Variants in FER1L6 observed in about 807,000 individuals in gnomAD.
FER1L6 encodes the protein fer-1-like protein 6.
FER1L6 carries 177 observed loss-of-function variants against 219.2 expected under a neutral mutation model. The observed-to-expected ratio is 0.81, with a 90% CI of 0.71 to 0.91. The LOEUF is 0.91. FER1L6 is among the 40% of genes least tolerant of loss of function. FER1L6 has a pLI of 0.00. For synonymous variants in FER1L6, 768 were observed against 824.3 expected (o/e 0.93, Z 1.17); for missense variants, 2,153 against 2,259.9 (o/e 0.95, Z 0.96).
intron 12 of FER1L6, among the ~76,000 whole-genome samples, chr8:123,994,796 G>A (rs1177802619): frequency 1.3e-5 from 2 of 152,224 alleles, no homozygotes; most frequent in East Asian, 1.9e-4. Flanking sequence ...CATCACCTGA[G>A]TTAGCTGGCA....
intron 2 of FER1L6, 88 bp downstream of exon 2, chr8:123,956,162 A>G: frequency 5.1e-6 from 6 of 1,183,156 alleles, no homozygotes; most frequent in Non-Finnish European, 7.4e-6. Flanking sequence ...TTCTCTCTCA[A>G]TGGGAGCGAG....
chr8:124,021,351 G>A (rs1369006399), intron 16 of FER1L6, among the ~76,000 whole-genome samples, 199 bp from the exon 17 acceptor site: 1 of 152,070 alleles, frequency 6.6e-6, no homozygotes, highest in East Asian at 1.9e-4. Flanking sequence ...GTCAAGCAGA[G>A]GTGAGATGAT....
chr8:123,932,443 C>A (rs187447473), intron 1 of FER1L6, among the ~76,000 whole-genome samples: 134 of 152,282 alleles, frequency 8.8e-4, no homozygotes, highest in African/African-American at 3.2e-3. Flanking sequence ...TCTTTTAAGG[C>A]ATGTGTTACT....
intron 1 of FER1L6, among the ~76,000 whole-genome samples, chr8:123,873,779 C>A (rs1816962166): frequency 1.3e-5 from 2 of 152,182 alleles, no homozygotes; most frequent in South Asian, 2.1e-4. Flanking sequence ...TCCACTCCCA[C>A]AATCACACCC....
At chr8:123,898,835 A>G in intron 1 of FER1L6, among the ~76,000 whole-genome samples, 1 of 134,914 alleles carries the variant, frequency 7.4e-6, no homozygotes. Context: ...ATATATATAT[A>G]TACATACATA....
chr8:124,077,215 TG>T (rs1156609332), intron 32 of FER1L6, among the ~76,000 whole-genome samples: 1 of 152,242 alleles, frequency 6.6e-6, no homozygotes, highest in East Asian at 1.9e-4. Context: ...TTCCTTTAGA[TG>T]ATTAAATGTA....
At chr8:123,909,115 A>T (rs1813007189) in intron 1 of FER1L6, among the ~76,000 whole-genome samples, 1 of 152,216 alleles carries the variant, frequency 6.6e-6, no homozygotes, top group Admixed American at 6.5e-5. Context: ...TTGTCAATGG[A>T]TTTGATAAAA....
At chr8:123,981,096 A>G (rs1296090289) in intron 11 of FER1L6, among the ~76,000 whole-genome samples, 1 of 152,152 alleles carries the variant, frequency 6.6e-6, no homozygotes, top group Non-Finnish European at 1.5e-5. Context: ...AGTTGGTGGG[A>G]GTGGGTGGTA....
At chr8:123,928,829 T>A (rs138591849) in intron 1 of FER1L6, among the ~76,000 whole-genome samples, 4 of 152,282 alleles carry the variant, frequency 2.6e-5, no homozygotes, top group African/African-American at 9.6e-5. Flanking sequence ...TAGAATAGGG[T>A]TATTTGCCAG....
intron 39 of FER1L6, among the ~76,000 whole-genome samples, chr8:124,116,169 T>A (rs1348965165): frequency 6.6e-6 from 1 of 152,222 alleles, no homozygotes; most frequent in Non-Finnish European, 1.5e-5. Flanking sequence ...TTTTGTAACA[T>A]CAGTTAGCAA....
At chr8:123,874,616 C>A (rs1414984597) in intron 1 of FER1L6, among the ~76,000 whole-genome samples, 1 of 152,210 alleles carries the variant, frequency 6.6e-6, no homozygotes, top group African/African-American at 2.4e-5. Context: ...ATGTATCATA[C>A]ACTCTTCTTT....
At chr8:123,858,913 G>A (rs1816694666) in intron 1 of FER1L6, among the ~76,000 whole-genome samples, 1 of 152,220 alleles carries the variant, frequency 6.6e-6, no homozygotes. Context: ...AGTAGGTGGT[G>A]CTGTTTTAAA....
intron 2 of FER1L6, among the ~76,000 whole-genome samples, chr8:123,962,510 G>A (rs1369544081): frequency 6.6e-6 from 1 of 152,058 alleles, no homozygotes. Context: ...TCAGTCTTAT[G>A]ATCTCTATTT....
intron 1 of FER1L6, among the ~76,000 whole-genome samples, chr8:123,928,512 C>A (rs192277070): frequency 6.8e-4 from 103 of 152,254 alleles, no homozygotes; most frequent in Middle Eastern, 3.4e-3. Context: ...CTGCAGCATC[C>A]TCCAGTTCCC....
At chr8:124,055,442 G>A (rs540229063) in intron 22 of FER1L6, among the ~76,000 whole-genome samples, 1 of 152,158 alleles carries the variant, frequency 6.6e-6, no homozygotes, top group Non-Finnish European at 1.5e-5. Flanking sequence ...GTGTAAGCCA[G>A]ATTTCAACTG....
intron 14 of FER1L6, 92 bp from the exon 15 acceptor site, chr8:124,013,339 T>A: frequency 1.5e-6 from 1 of 661,048 alleles, no homozygotes; most frequent in Middle Eastern, 2.7e-4. Flanking sequence ...AAAAAAAAAA[T>A]AGCTGTTATT....
intron 2 of FER1L6, among the ~76,000 whole-genome samples, chr8:123,956,665 A>C (rs146669008): frequency 2.0e-5 from 3 of 152,346 alleles, no homozygotes; most frequent in African/African-American, 7.2e-5. Flanking sequence ...TTGTTAAGTT[A>C]TTAAAAGTGT....
At chr8:124,050,119 T>C (rs916200702) in intron 22 of FER1L6, among the ~76,000 whole-genome samples, 10 of 152,160 alleles carry the variant, frequency 6.6e-5, no homozygotes, top group East Asian at 1.9e-4. Flanking sequence ...GTGTGGTGAT[T>C]GTTGTCTCGT....
chr8:123,854,964 A>C (rs1313607038), intron 1 of FER1L6, among the ~76,000 whole-genome samples: 1 of 152,214 alleles, frequency 6.6e-6, no homozygotes, highest in African/African-American at 2.4e-5. Context: ...CATTCGGTAC[A>C]TTCACAATGG....
Sources: gnomAD v4.1 joint callset for allele counts (sites outside exome capture counted in the v4.1 genomes callset) on GRCh38, gnomAD v4.1.1 for gene constraint, MANE v1.5 for transcripts, NCBI Gene and HGNC (gene_info 2026-07-23, HGNC 2026-07-21) for gene names.